Variants in CGNL1 observed in about 807,000 individuals in gnomAD.
CGNL1 encodes cingulin like 1, also known as cingulin-like protein 1.
CGNL1 carries 132 observed loss-of-function variants against 141.2 expected under a neutral mutation model. The observed-to-expected ratio is 0.93, with a 90% CI of 0.81 to 1.08. CGNL1 has a LOEUF of 1.08. Among genes scored for constraint, CGNL1 ranks in the 50% least tolerant of loss-of-function variants. The pLI is 0.00. For synonymous variants in CGNL1, 690 were observed against 622.1 expected (o/e 1.11, Z -1.63); for missense variants, 1,870 against 1,588.6 (o/e 1.18, Z -3.01).
At chr15:57,506,061 C>A (rs1467541329) in intron 8 of CGNL1, among the ~76,000 whole-genome samples, 1 of 152,180 alleles carries the variant, frequency 6.6e-6, no homozygotes, top group African/African-American at 2.4e-5. Flanking sequence ...CTTCTTTCTT[C>A]AAAAATCCTG....
chr15:57,502,837 T>G (rs2064044467), intron 8 of CGNL1, among the ~76,000 whole-genome samples: 1 of 152,156 alleles, frequency 6.6e-6, no homozygotes. Flanking sequence ...TCTCTGACAT[T>G]TTATAGTCAT....
At chr15:57,392,484 A>G (rs1231984861) in intron 1 of CGNL1, among the ~76,000 whole-genome samples, 1 of 152,232 alleles carries the variant, frequency 6.6e-6, no homozygotes, top group Non-Finnish European at 1.5e-5. Context: ...ACACAACTTT[A>G]TGAGGGGCTG....
rs543317776 is a variant in CGNL1 at position 57,453,174 on chromosome 15, C to T, written c.2055-509C>T. On this transcript the variant is annotated intron_variant, in intron 6 of 18. Coordinates refer to ENST00000281282, the MANE Select transcript of CGNL1 (RefSeq NM_032866.5). Reference sequence around the variant, plus strand: ...CATATAGTCTGTTGCACATACTCAGCTCTGCCATTGTGTCGTGAAATGAAA... The same window carrying T: ...CATATAGTCTGTTGCACATACTCAGTTCTGCCATTGTGTCGTGAAATGAAA... Among the ~76,000 whole-genome samples, 6 of 152,228 alleles carry T rather than the reference C, an allele frequency of 3.9e-5. No individual in the cohort carries two copies. In the South Asian group the frequency reaches 1.2e-3, roughly 32 times the overall value.
rs549159573 is a variant in CGNL1 at position 57,546,245 on chromosome 15, C to T, written c.3773+6C>T. On this transcript the variant is annotated splice_donor_region_variant and intron_variant, in intron 18 of 18. Coordinates refer to ENST00000281282, the MANE Select transcript of CGNL1 (RefSeq NM_032866.5). Reference sequence around the variant, plus strand: ...TCCATGAAGAAGGACTTAAGGTGGGCAGGTGTGGAGGCCACAGAGGGCCGG... The same window carrying T: ...TCCATGAAGAAGGACTTAAGGTGGGTAGGTGTGGAGGCCACAGAGGGCCGG... 1.3e-6 allele frequency: 2 copies of T among 1,569,340 alleles called. No homozygotes were observed. The highest frequency in any genetic ancestry group is 1.4e-5 in the African/African-American group (1 of 73,908).
chr15:57,544,444 C>G, intron 15 of CGNL1, 29 bp from the exon 16 acceptor site: 1 of 1,613,578 alleles, frequency 6.2e-7, no homozygotes, highest in Non-Finnish European at 8.5e-7. Context: ...AGACACATAG[C>G]CCCTCACAGT....
rs566091148 is a variant in CGNL1, at chr15:57,523,575, G to T, written c.2802G>T (p.Arg934Ser). 9 of 1,614,224 alleles carry T rather than the reference G, an allele frequency of 5.6e-6. No homozygotes were observed. The highest frequency in any genetic ancestry group is 1.6e-4 in the Middle Eastern group (1 of 6,062). The change falls in exon 11 of 19, where the codon AGG (arginine) becomes AGT (serine). Residue 934 changes from arginine (R) to serine (S), a missense_variant. Coordinates refer to ENST00000281282, the MANE Select transcript of CGNL1 (RefSeq NM_032866.5). Reference protein sequence around the residue: ...EESEQKEQLRRLKNEMENERW... With the variant: ...EESEQKEQLRSLKNEMENERW... ...GTGAGCAGAAGGAGCAGCTAAGAAG[G>T]TTGAAGAACGAGATGGAGAATGAGC...
chr15:57,541,322 G>T (rs1238762039), intron 14 of CGNL1, among the ~76,000 whole-genome samples: 1 of 152,258 alleles, frequency 6.6e-6, no homozygotes, highest in Non-Finnish European at 1.5e-5. Flanking sequence ...CCCCTGGGAG[G>T]CACGTCTGTC....
chr15:57,412,760 C>T (rs1162052249), intron 1 of CGNL1, among the ~76,000 whole-genome samples: 1 of 152,226 alleles, frequency 6.6e-6, no homozygotes, highest in Non-Finnish European at 1.5e-5. Context: ...ATCTTCTTTT[C>T]ACATGACAAC....
chr15:57,395,879 T>A (rs1272756823), intron 1 of CGNL1, among the ~76,000 whole-genome samples: 1 of 152,228 alleles, frequency 6.6e-6, no homozygotes, highest in African/African-American at 2.4e-5. Flanking sequence ...TTTTTTTAAT[T>A]CATAAATTAT....
chr15:57,545,204 G>A (rs1271822402), intron 16 of CGNL1, among the ~76,000 whole-genome samples: 1 of 152,240 alleles, frequency 6.6e-6, no homozygotes, highest in African/African-American at 2.4e-5. Context: ...GGAGCGTGGT[G>A]TGCCGGCATT....
rs1283926664 is a variant in CGNL1 at position 57,524,656 on chromosome 15, A to C, written c.2944A>C (p.Asn982His). 6.2e-7 allele frequency: 1 copy of C among 1,614,206 alleles called. No individual in the cohort carries two copies. The highest frequency in any genetic ancestry group is 8.5e-7 in the Non-Finnish European group (1 of 1,180,038). ...CCAGCTGGATGAGTATAAGGAGAAA[A>C]ACCGCAGGGAGCTCGCAGAAATGCA... Reference protein sequence around the residue: ...QNQLDEYKEKNRRELAEMQRQ... With the variant: ...QNQLDEYKEKHRRELAEMQRQ... The change falls in exon 12 of 19, where the codon AAC (asparagine) becomes CAC (histidine). Residue 982 changes from asparagine (N) to histidine (H), a missense_variant. Coordinates refer to ENST00000281282, the MANE Select transcript of CGNL1 (RefSeq NM_032866.5).
At chr15:57,429,734 A>G (rs1451377342) in intron 1 of CGNL1, among the ~76,000 whole-genome samples, 2 of 152,320 alleles carry the variant, frequency 1.3e-5, no homozygotes, top group Non-Finnish European at 2.9e-5. Context: ...TCTTTTTCTC[A>G]TAAGTGTTTC....
At chr15:57,505,897 C>T (rs1227861819) in intron 8 of CGNL1, among the ~76,000 whole-genome samples, 1 of 152,052 alleles carries the variant, frequency 6.6e-6, no homozygotes, top group African/African-American at 2.4e-5. Context: ...CAGGAGAGAC[C>T]CTTTCAGCAT....
At chr15:57,382,998 TA>T (rs1567084910) in intron 1 of CGNL1, among the ~76,000 whole-genome samples, 1 of 152,354 alleles carries the variant, frequency 6.6e-6, no homozygotes, top group East Asian at 1.9e-4. Context: ...CTGACAGTAT[TA>T]AAAAAGGTTT....
At chr15:57,539,502 C>G (rs1342990428) in intron 14 of CGNL1, among the ~76,000 whole-genome samples, 1 of 152,186 alleles carries the variant, frequency 6.6e-6, no homozygotes, top group African/African-American at 2.4e-5. Flanking sequence ...CTTGCACACC[C>G]TCGTGCCCCC....
chr15:57,437,971 T>A lies in CGNL1; in HGVS notation c.-15-14T>A. On this transcript the variant is annotated splice_polypyrimidine_tract_variant and intron_variant, in intron 1 of 18. Coordinates refer to ENST00000281282, the MANE Select transcript of CGNL1 (RefSeq NM_032866.5). ...AACCTAATGTCCTCTTTTTACCCCA[T>A]CTCTCCCTGGTAGCTGGAACAGTGA... 1 of 1,591,838 alleles carries A rather than the reference T, an allele frequency of 6.3e-7. No individual in the cohort carries two copies. Among genetic ancestry groups the A allele is most frequent in the Non-Finnish European group, 8.5e-7 (1 of 1,172,098 alleles).
chr15:57,539,606 C>T (rs2032452290), intron 14 of CGNL1, among the ~76,000 whole-genome samples: 2 of 152,240 alleles, frequency 1.3e-5, no homozygotes, highest in Admixed American at 1.3e-4. Flanking sequence ...CCAGCGCCTC[C>T]TCTGAGCTTT....
intron 8 of CGNL1, among the ~76,000 whole-genome samples, chr15:57,473,906 T>C (rs1333035015): frequency 6.3e-5 from 7 of 111,318 alleles, no homozygotes; most frequent in Admixed American, 8.4e-5. Flanking sequence ...CTTCTTTTTT[T>C]TTTTTTTTTT....
intron 1 of CGNL1, among the ~76,000 whole-genome samples, chr15:57,386,304 G>A (rs1206934293): frequency 6.6e-6 from 1 of 152,166 alleles, no homozygotes; most frequent in East Asian, 1.9e-4. Context: ...AGGGCAGATA[G>A]GTAATTGTGT....
Sources: gnomAD v4.1 joint callset for allele counts (sites outside exome capture counted in the v4.1 genomes callset) on GRCh38, gnomAD v4.1.1 for gene constraint, MANE v1.5 for transcripts, NCBI Gene and HGNC (gene_info 2026-07-23, HGNC 2026-07-21) for gene names.